Variants in CACNA2D3 observed in about 807,000 individuals in gnomAD.
The protein encoded by CACNA2D3 is calcium voltage-gated channel auxiliary subunit alpha2delta 3.
In CACNA2D3, 60 loss-of-function variants were observed where a neutral mutation model predicts 160.6. The observed-to-expected ratio is 0.37, with a 90% CI of 0.30 to 0.46. The LOEUF is 0.46. Ranked by LOEUF, CACNA2D3 falls within the 20% of genes least tolerant of loss-of-function variation. CACNA2D3 has a pLI of 1.00. For missense variants in CACNA2D3, 1,205 were observed against 1,365.0 expected, an observed-to-expected ratio of 0.88 and a Z score of 1.85; for synonymous variants, 558 against 492.9, an observed-to-expected ratio of 1.13 and a Z score of -1.75.
At chr3:54,124,986 A>G (rs528437263) in intron 2 of CACNA2D3, among the ~76,000 whole-genome samples, 1 of 152,286 alleles carries the variant, frequency 6.6e-6, no homozygotes, top group Admixed American at 6.5e-5. Context: ...CTGCTTTGGC[A>G]TTTTGCCCAC....
chr3:54,970,051 T>C (rs1000467940), intron 29 of CACNA2D3, among the ~76,000 whole-genome samples: 3 of 152,194 alleles, frequency 2.0e-5, no homozygotes, highest in Admixed American at 6.5e-5. Flanking sequence ...GCTGGAAATG[T>C]GCTTTAAATG....
chr3:54,618,381 A>ATATATG (rs1244173135), intron 9 of CACNA2D3, among the ~76,000 whole-genome samples: 6 of 140,230 alleles, frequency 4.3e-5, no homozygotes, highest in Non-Finnish European at 7.8e-5. Flanking sequence ...ATATGCACAC[A>ATATATG]CACACACACA....
chr3:55,009,980 CT>C (rs1443712889), intron 34 of CACNA2D3, among the ~76,000 whole-genome samples: 1 of 152,102 alleles, frequency 6.6e-6, no homozygotes, highest in Non-Finnish European at 1.5e-5. Flanking sequence ...GGCATATCAG[CT>C]GATCTGTCTC....
intron 11 of CACNA2D3, among the ~76,000 whole-genome samples, chr3:54,694,330 A>G (rs1478093473): frequency 6.6e-6 from 1 of 152,232 alleles, no homozygotes; most frequent in Non-Finnish European, 1.5e-5. Context: ...TATGCTATGT[A>G]CACACTCTAG....
At chr3:54,217,866 GAGAGAC>G (rs1701489736) in intron 2 of CACNA2D3, among the ~76,000 whole-genome samples, 1 of 137,754 alleles carries the variant, frequency 7.3e-6, no homozygotes, top group African/African-American at 3.2e-5. Context: ...GAGAGACAGA[GAGAGAC>G]AGAGAGAGAG....
chr3:54,212,832 C>A (rs1701399218), intron 2 of CACNA2D3, among the ~76,000 whole-genome samples: 1 of 152,124 alleles, frequency 6.6e-6, no homozygotes, highest in East Asian at 1.9e-4. Flanking sequence ...TCAATCTCTG[C>A]CTTCAGGCTT....
rs1414132255 is a variant in CACNA2D3, at chr3:54,320,474, A to G, written c.237A>G (p.Ile79Met). The G allele has an allele frequency of 6.4e-7, 1 of 1,561,458 alleles. No homozygotes were observed. Among genetic ancestry groups the G allele is most frequent in the South Asian group, 1.2e-5 (1 of 84,392 alleles). Residue 79 changes from isoleucine (I) to methionine (M), a missense_variant, in exon 3 of 38, where the codon ATA (isoleucine) becomes ATG (methionine). Transcript: ENST00000474759. ...KYKEYEKDVAIEEIDGLQLVK... is the reference protein window; with the variant it reads ...KYKEYEKDVAMEEIDGLQLVK... ...AAGAGTATGAGAAAGACGTTGCCATAGAAGAAATTGATGGCCTCCAACTGG... is the reference window on the plus strand; with the variant it reads ...AAGAGTATGAGAAAGACGTTGCCATGGAAGAAATTGATGGCCTCCAACTGG...
Position 54,822,835 on chromosome 3 carries a change from T to C in CACNA2D3, c.1398+5965T>C, listed in dbSNP as rs11328892. Among the ~76,000 whole-genome samples, 98 of 124,906 alleles carry C rather than the reference T, an allele frequency of 7.8e-4. 1 individual carries two copies. The highest frequency in any genetic ancestry group is 1.5e-3 in the African/African-American group (41 of 27,344). The allele number at this position is 124,906 out of a possible 152,430, so 81.9% of individuals were successfully genotyped here. On this transcript the variant is annotated intron_variant, in intron 14 of 37. Coordinates refer to ENST00000474759, the MANE Select transcript of CACNA2D3 (RefSeq NM_018398.3). ...TCTTTCTTTCTTTCTTTCTTTCTTT[T>C]CTTTCTTTCTTTCTTTCTTTCTTTC...
At chr3:54,459,481 G>C (rs1214452294) in intron 4 of CACNA2D3, among the ~76,000 whole-genome samples, 4 of 150,982 alleles carry the variant, frequency 2.6e-5, no homozygotes, top group African/African-American at 4.9e-5. Context: ...GTGTGAGATG[G>C]TATCTCATTG....
intron 9 of CACNA2D3, among the ~76,000 whole-genome samples, chr3:54,595,303 CTG>C (rs1702931448): frequency 1.4e-5 from 2 of 148,020 alleles, no homozygotes; most frequent in Admixed American, 6.7e-5. Context: ...GCTGAAAGCT[CTG>C]TGTGTGTGGT....
chr3:54,716,452 G>T (rs1202619364), intron 11 of CACNA2D3, among the ~76,000 whole-genome samples: 1 of 152,178 alleles, frequency 6.6e-6, no homozygotes, highest in Non-Finnish European at 1.5e-5. Context: ...TCCATATGTT[G>T]CGTGTGAAAA....
intron 27 of CACNA2D3, among the ~76,000 whole-genome samples, chr3:54,960,624 A>G (rs1285732605): frequency 6.6e-6 from 1 of 152,176 alleles, no homozygotes; most frequent in Admixed American, 6.5e-5. Context: ...CTTGCCTATA[A>G]TCTTCTAAGA....
chr3:54,308,523 A>T (rs1478044647), intron 2 of CACNA2D3, among the ~76,000 whole-genome samples: 2 of 152,184 alleles, frequency 1.3e-5, no homozygotes, highest in Non-Finnish European at 2.9e-5. Flanking sequence ...CTGAGTCACT[A>T]TGTGGAAGGC....
chr3:54,493,736 C>G (rs1017187112), intron 4 of CACNA2D3, among the ~76,000 whole-genome samples: 12 of 152,244 alleles, frequency 7.9e-5, no homozygotes, highest in Non-Finnish European at 1.6e-4. Context: ...ATCCTGCTGC[C>G]TGGGTTGACC....
chr3:54,214,206 A>G (rs1201844716), intron 2 of CACNA2D3, among the ~76,000 whole-genome samples: 1 of 152,226 alleles, frequency 6.6e-6, no homozygotes, highest in Non-Finnish European at 1.5e-5. Context: ...GAAGTCACAC[A>G]CACAAAAAAG....
At chr3:55,012,552 T>C (rs1057112440) in intron 34 of CACNA2D3, among the ~76,000 whole-genome samples, 2 of 151,698 alleles carry the variant, frequency 1.3e-5, no homozygotes, top group African/African-American at 2.4e-5. Flanking sequence ...GATTCTAGAG[T>C]TTTTACTGAA....
At chr3:54,866,202 G>GAA (rs1699397797) in intron 17 of CACNA2D3, among the ~76,000 whole-genome samples, 4 of 152,202 alleles carry the variant, frequency 2.6e-5, no homozygotes, top group Admixed American at 6.5e-5. Flanking sequence ...GATTGTGTAG[G>GAA]TGAACAAATG....
At chr3:54,473,019 T>G (rs1284980245) in intron 4 of CACNA2D3, among the ~76,000 whole-genome samples, 1 of 152,272 alleles carries the variant, frequency 6.6e-6, no homozygotes, top group Non-Finnish European at 1.5e-5. Flanking sequence ...TTTCCTAGAA[T>G]TAGAAAAAAC....
chr3:54,600,729 C>G (rs77318628), intron 9 of CACNA2D3, among the ~76,000 whole-genome samples: 4,189 of 152,156 alleles, frequency 0.028, 199 homozygotes, highest in African/African-American at 0.096. Context: ...TTCTTCCTCC[C>G]CAGTTGTCAT....
Sources: allele counts gnomAD v4.1 joint callset (sites outside exome capture counted in the v4.1 genomes callset), GRCh38; gene constraint gnomAD v4.1.1; transcripts MANE v1.5; gene names NCBI Gene and HGNC (gene_info 2026-07-23, HGNC 2026-07-21).